Variants in ZNF670 observed in about 807,000 individuals in gnomAD.
ZNF670 encodes the protein zinc finger protein 670.
In ZNF670, 7 loss-of-function variants were observed where a neutral mutation model predicts 10.9. That is an observed-to-expected ratio of 0.64 (90% CI 0.36 to 1.20). The LOEUF (loss-of-function observed/expected upper bound fraction) is 1.20, where lower values mean the gene tolerates loss of function less well. Ranked by LOEUF, ZNF670 falls within the 50% of genes most tolerant of loss-of-function variation. ZNF670 has a pLI of 0.02. For missense variants in ZNF670, 446 were observed against 458.6 expected, an observed-to-expected ratio of 0.97 and a Z score of 0.25; for synonymous variants, 136 against 152.7, an observed-to-expected ratio of 0.89 and a Z score of 0.81.
intron 1 of ZNF670, among the ~76,000 whole-genome samples, chr1:247,045,217 C>T (rs1670411003): frequency 6.6e-6 from 1 of 152,160 alleles, no homozygotes; most frequent in Admixed American, 6.5e-5. Context: ...CTCCTGGGTG[C>T]CCAGGCTTAG....
Position 247,037,235 on chromosome 1 carries a change from T to C in ZNF670, c.*214A>G, listed in dbSNP as rs1323702057. On this transcript the variant is annotated 3_prime_UTR_variant, in exon 4 of 4. Transcript: ENST00000366503. ...GGGAAAATAAAGTGTTCTAACACAT[T>C]TTTCGTATTTTATGACGTTCTTTCC... The C allele has an allele frequency of 2.1e-6, 1 of 478,910 alleles. No individual in the cohort carries two copies. Among genetic ancestry groups the C allele is most frequent in the East Asian group, 3.3e-5 (1 of 30,446 alleles). The allele number at this position is 478,910 out of a possible 1,614,324, so 29.7% of individuals were successfully genotyped here. A position where few individuals can be genotyped will look rare whatever the true frequency, so the allele number is the denominator to read the frequency against.
Position 247,038,278 on chromosome 1 carries a change from C to T in ZNF670, c.341G>A (p.Cys114Tyr), listed in dbSNP as rs201647737. The T allele has an allele frequency of 3.0e-5, 48 of 1,614,174 alleles. No homozygotes were observed. The African/African-American group carries it at 5.9e-4, about 20-fold the overall frequency. Reference protein sequence around the residue: ...ECSVCGKVFICHSALHRHILS... With the variant: ...ECSVCGKVFIYHSALHRHILS... The stretch of plus-strand genomic sequence containing the variant: ...GATGTGCCTATGAAGGGCTGAATGA[C>T]ATATGAAGACTTTTCCACACACACT... Residue 114 changes from cysteine (C) to tyrosine (Y), a missense_variant, in exon 4 of 4, where the codon TGT becomes TAT. Transcript: ENST00000366503.
intron 1 of ZNF670, among the ~76,000 whole-genome samples, chr1:247,067,162 G>A (rs969147184): frequency 8.5e-5 from 13 of 152,092 alleles, no homozygotes; most frequent in African/African-American, 1.2e-4. Flanking sequence ...TCGGCCAGGC[G>A]CGGTGGCTCA....
chr1:247,054,126 G>A (rs1023263502), intron 1 of ZNF670, among the ~76,000 whole-genome samples: 4 of 152,200 alleles, frequency 2.6e-5, no homozygotes, highest in East Asian at 1.9e-4. Context: ...CATTTAGACC[G>A]TCCTAACCAG....
At chr1:247,052,588 A>G (rs10158660) in intron 1 of ZNF670, among the ~76,000 whole-genome samples, 1,658 of 152,214 alleles carry the variant, frequency 0.011, 25 homozygotes, top group African/African-American at 0.038. Context: ...TACGCTAGCA[A>G]TGAACTTGTC....
At position 247,037,092 on chromosome 1, in the gene ZNF670, C is replaced by T. The variant is rs1005891; in HGVS notation, c.*357G>A. ...AGCCTATTAAGCTCATGTACTATGG[C>T]TTATAAAGTATCTGTGAAATTCTCA... On this transcript the variant is annotated 3_prime_UTR_variant, in exon 4 of 4. Transcript: ENST00000366503. 3,735 of 189,696 alleles carry T rather than the reference C, an allele frequency of 0.02. 65 individuals are homozygous for T. The highest frequency in any genetic ancestry group is 0.027 in the Non-Finnish European group (2,518 of 91,736). 11.8% of individuals were successfully genotyped at this position (189,696 alleles called of 1,614,324 possible).
intron 1 of ZNF670, among the ~76,000 whole-genome samples, chr1:247,046,733 G>A (rs966680309): frequency 6.6e-6 from 1 of 152,164 alleles, no homozygotes; most frequent in Non-Finnish European, 1.5e-5. Context: ...AAACAGGGCT[G>A]CTGCTTTCCA....
At chr1:247,067,192 T>A (rs530132940) in intron 1 of ZNF670, among the ~76,000 whole-genome samples, 1 of 151,782 alleles carries the variant, frequency 6.6e-6, no homozygotes, top group Non-Finnish European at 1.5e-5. Flanking sequence ...TCCTAGCACG[T>A]TGGGAAGCCA....
chr1:247,076,401 C>T (rs1428865202), intron 1 of ZNF670, among the ~76,000 whole-genome samples: 8 of 151,702 alleles, frequency 5.3e-5, no homozygotes, highest in South Asian at 2.1e-4. Flanking sequence ...GGACTACAGG[C>T]GCCCGCCACC....
At chr1:247,071,735 T>C (rs756950510) in intron 1 of ZNF670, among the ~76,000 whole-genome samples, 35 of 152,258 alleles carry the variant, frequency 2.3e-4, no homozygotes, top group Non-Finnish European at 4.4e-5. Flanking sequence ...TTATTTATAC[T>C]GTTATTTTTT....
chr1:247,053,359 G>A (rs555163022), intron 1 of ZNF670, among the ~76,000 whole-genome samples: 5 of 152,264 alleles, frequency 3.3e-5, no homozygotes, highest in South Asian at 2.1e-4. Context: ...TCAGGCCGGC[G>A]CGGTGGCTCA....
At chr1:247,067,504 G>T (rs1216234512) in intron 1 of ZNF670, among the ~76,000 whole-genome samples, 1 of 150,996 alleles carries the variant, frequency 6.6e-6, no homozygotes, top group Non-Finnish European at 1.5e-5. Context: ...ACAAGCACAG[G>T]CAACCAAAGA....
At chr1:247,039,146 C>T (rs1477841137) in intron 2 of ZNF670, among the ~76,000 whole-genome samples, 1 of 150,432 alleles carries the variant, frequency 6.6e-6, no homozygotes, top group African/African-American at 2.5e-5. Context: ...GCAACCTCCA[C>T]TTCCTAGGTT....
intron 1 of ZNF670, among the ~76,000 whole-genome samples, chr1:247,071,918 T>C (rs1390719054): frequency 1.7e-4 from 25 of 150,518 alleles, no homozygotes; most frequent in African/African-American, 6.1e-4. Context: ...AGTGCAGTGG[T>C]GCAATCTCGG....
rs6677113 is a variant in ZNF670, at chr1:247,039,760, C to T, written c.4-223G>A. 4.5e-3 allele frequency among the ~76,000 whole-genome samples: 684 copies of T among 152,318 alleles called. 7 individuals carry two copies. The highest frequency in any genetic ancestry group is 0.015 in the African/African-American group (626 of 41,566). The stretch of plus-strand genomic sequence containing the variant: ...GAAAGTCAACAGCAGAGTAGGAACA[C>T]CTGTCTCATTGGCAGGTGCAGGGAA... On this transcript the variant is annotated intron_variant, in intron 1 of 3. Transcript: ENST00000366503.
chr1:247,043,685 G>T, intron 1 of ZNF670: 1 of 490,740 alleles, frequency 2.0e-6, no homozygotes, highest in South Asian at 1.6e-5. Context: ...TTTCCACGAT[G>T]GGGTATCAAT....
chr1:247,076,142 A>G (rs1440790501), intron 1 of ZNF670, among the ~76,000 whole-genome samples: 1 of 152,164 alleles, frequency 6.6e-6, no homozygotes. Flanking sequence ...CTGGGTCAAG[A>G]GTCAGGTCAG....
chr1:247,049,518 T>C (rs764244271), intron 1 of ZNF670, among the ~76,000 whole-genome samples: 75 of 152,238 alleles, frequency 4.9e-4, no homozygotes, highest in Non-Finnish European at 9.7e-4. Context: ...TCAATTTCAT[T>C]TAGTTTTGCT....
chr1:247,054,799 C>T (rs1670678773), intron 1 of ZNF670, among the ~76,000 whole-genome samples: 1 of 151,900 alleles, frequency 6.6e-6, no homozygotes, highest in African/African-American at 2.4e-5. Flanking sequence ...AAACTTTGAG[C>T]TATGCTTGTC....
Sources: gnomAD v4.1 joint callset for allele counts (sites outside exome capture counted in the v4.1 genomes callset) on GRCh38, gnomAD v4.1.1 for gene constraint, MANE v1.5 for transcripts, NCBI Gene and HGNC (gene_info 2026-07-23, HGNC 2026-07-21) for gene names.